Variants in PCARE observed in about 807,000 individuals in gnomAD.
PCARE encodes photoreceptor cilium actin regulator, also known as uncharacterized protein C2orf71.
Under a neutral mutation model 82.2 loss-of-function variants are expected in PCARE, and 72 were observed. That is an observed-to-expected ratio of 0.88 (90% CI 0.72 to 1.07). PCARE has a LOEUF of 1.07. Ranked by LOEUF, PCARE falls within the 50% of genes least tolerant of loss-of-function variation. PCARE has a pLI of 0.00. For missense variants in PCARE, 1,768 were observed against 1,592.4 expected, an observed-to-expected ratio of 1.11 and a Z score of -1.88; for synonymous variants, 705 against 634.8, an observed-to-expected ratio of 1.11 and a Z score of -1.66.
chr2:29,074,212 C>G lies in PCARE; in HGVS notation c.50G>C (p.Ser17Thr). 1.3e-6 allele frequency: 2 copies of G among 1,591,236 alleles called. No individual in the cohort carries two copies. Among genetic ancestry groups the G allele is most frequent in the African/African-American group, 1.3e-5 (1 of 74,318 alleles). ...HSDLVNSVAKSGIQFLKKPKA... is the reference protein window; with the variant it reads ...HSDLVNSVAKTGIQFLKKPKA... ...GGGCTTTTTCAAGAACTGAATGCCA[C>G]TCTTTGCAACGCTGTTTACAAGGTC... Residue 17 changes from serine to threonine, a missense_variant, in exon 1 of 2, where the codon AGT becomes ACT. Physicochemically the swap from Ser to Thr is moderately conservative, Grantham distance 58. Coordinates refer to ENST00000331664, the MANE Select transcript of PCARE (RefSeq NM_001029883.3).
At position 29,071,084 on chromosome 2, in the gene PCARE, G is replaced by T. The variant is rs72861054; in HGVS notation, c.3178C>A (p.Pro1060Thr). Residue 1060 changes from proline (P) to threonine (T), a missense_variant, in exon 1 of 2, where the codon CCC (proline) becomes ACC (threonine). By Grantham distance (38) the Pro-to-Thr change is conservative. Transcript: ENST00000331664. ...PPHQPKLPNP[P>T]PESAPAQCKV... ...CACTGAGCAGGTGCACTCTCGGGGG[G>T]AGGGTTGGGCAACTTGGGCTGGTGC... The T allele has an allele frequency of 7.3e-4, 1,080 of 1,473,934 alleles. 13 individuals carry two copies. In the African/African-American group the frequency reaches 0.013, roughly 18 times the overall value. 91.3% of individuals were successfully genotyped at this position (1,473,934 alleles called of 1,614,324 possible).
chr2:29,072,453 G>T lies in PCARE; in HGVS notation c.1809C>A (p.His603Gln). The change falls in exon 1 of 2, where the codon CAC (histidine) becomes CAA (glutamine). Residue 603 changes from histidine (H) to glutamine (Q), a missense_variant. Coordinates refer to ENST00000331664, the MANE Select transcript of PCARE (RefSeq NM_001029883.3). Reference protein sequence around the residue: ...RSQSESCLQSHVEDPTFQELR... With the variant: ...RSQSESCLQSQVEDPTFQELR... ...GCTCCTGAAAGGTGGGGTCCTCCAC[G>T]TGACTCTGGAGACACGACTCTGACT... 2 of 1,614,176 alleles carry T rather than the reference G, an allele frequency of 1.2e-6. No homozygotes were observed. Among genetic ancestry groups the T allele is most frequent in the Non-Finnish European group, 1.7e-6 (2 of 1,180,026 alleles).
chr2:29,064,771 G>A lies in PCARE; in HGVS notation c.*98C>T, dbSNP rs1000666735. 1 of 1,514,754 alleles carries A rather than the reference G, an allele frequency of 6.6e-7. No individual in the cohort carries two copies. The highest frequency in any genetic ancestry group is 9.0e-7 in the Non-Finnish European group (1 of 1,111,340). The allele number at this position is 1,514,754 out of a possible 1,614,324, so 93.8% of individuals were successfully genotyped here. On this transcript the variant is annotated 3_prime_UTR_variant, in exon 2 of 2. Transcript: ENST00000331664. ...GCCTTTCCAGGACACCTCAGTAGGA[G>A]TTTGGTTTGCCCATCATCTCTGGGT...
chr2:29,072,185 C>T lies in PCARE; in HGVS notation c.2077G>A (p.Glu693Lys), dbSNP rs1424960010. The change falls in exon 1 of 2, where the codon GAG (glutamate) becomes AAG (lysine). Residue 693 changes from glutamate to lysine, a missense_variant. Glu to Lys is a moderately conservative substitution (Grantham distance 56). Transcript: ENST00000331664. ...TTCCCAGCTTTGCCTTGTTCGTCCT[C>T]AGGATGGGGATTGCATTTCTGCAAG... ...SILQKCNPHP[E>K]DEQGKAGKLP... 1 of 1,614,234 alleles carries T rather than the reference C, an allele frequency of 6.2e-7. No individual in the cohort carries two copies. Among genetic ancestry groups the T allele is most frequent in the South Asian group, 1.1e-5 (1 of 91,082 alleles).
chr2:29,072,005 C>T lies in PCARE; in HGVS notation c.2257G>A (p.Ala753Thr), dbSNP rs371979312. The change falls in exon 1 of 2, where the codon GCT becomes ACT. Residue 753 changes from alanine (A) to threonine (T), a missense_variant. Ala to Thr is a moderately conservative substitution (Grantham distance 58). Coordinates refer to ENST00000331664, the MANE Select transcript of PCARE (RefSeq NM_001029883.3). ...TTCCTGAGGCAGGGACTTGCCCCAG[C>T]GTCCTTAGAGTCCCCCAGCATCCTC... ...SLRMLGDSKD[A>T]GASPCLRNCI... 77 of 1,613,834 alleles carry T rather than the reference C, an allele frequency of 4.8e-5. No homozygotes were observed. The highest frequency in any genetic ancestry group is 8.8e-5 in the South Asian group (8 of 91,080).
intron 1 of PCARE, among the ~76,000 whole-genome samples, chr2:29,069,657 C>T (rs1464041826): frequency 2.0e-5 from 3 of 151,996 alleles, no homozygotes; most frequent in Non-Finnish European, 2.9e-5. Context: ...ACATCACAAA[C>T]CTGCACATGT....
rs143025322 is a variant in PCARE, at chr2:29,063,889, C to T, written c.*980G>A. The T allele has an allele frequency of 2.0e-5, 3 of 152,802 alleles. No individual in the cohort carries two copies. The highest frequency in any genetic ancestry group is 4.4e-5 in the Non-Finnish European group (3 of 68,044). The allele number at this position is 152,802 out of a possible 1,614,324, so 9.5% of individuals were successfully genotyped here. A position where few individuals can be genotyped will look rare whatever the true frequency, so the allele number is the denominator to read the frequency against. ...CAAGAAGCCTCCGAGGGGAGATCGG[C>T]GTGTGAGTACGTATGCCTCACCCAC... On this transcript the variant is annotated 3_prime_UTR_variant, in exon 2 of 2. Transcript: ENST00000331664.
At position 29,071,853 on chromosome 2, in the gene PCARE, A is replaced by T. The variant is rs753470385; in HGVS notation, c.2409T>A (p.Pro803=). ...CTGCTTTAGGCAGAGGGGGAAAGAT[A>T]GGTGCTAAGGGCTTCCAGCCTATGC... ...KMGIGWKPLA[P]IFPPLPKAEA... The change falls in exon 1 of 2, where the codon CCT becomes CCA. Residue 803 remains proline (P), a synonymous_variant. Transcript: ENST00000331664. 2 of 1,614,236 alleles carry T rather than the reference A, an allele frequency of 1.2e-6. No individual in the cohort carries two copies. The highest frequency in any genetic ancestry group is 1.1e-5 in the South Asian group (1 of 91,084).
At position 29,074,443 on chromosome 2, in the gene PCARE, T is replaced by C. The variant is rs10084173; in HGVS notation, c.-182A>G. On this transcript the variant is annotated 5_prime_UTR_variant, in exon 1 of 2. Transcript: ENST00000331664. ...TTTCTTTATTTTCTTGGTCCAAATG[T>C]GAAGAGGGAGTGGTACCTGTCGTCC... 0.056 allele frequency among the ~76,000 whole-genome samples: 8,440 copies of C among 151,666 alleles called. 732 individuals carry two copies. Among genetic ancestry groups the C allele is most frequent in the African/African-American group, 0.18 (7,536 of 41,512 alleles).
Position 29,071,580 on chromosome 2 carries a change from G to A in PCARE, c.2682C>T (p.Ser894=). Residue 894 remains serine (S), a synonymous_variant, in exon 1 of 2, where the codon AGC becomes AGT. Transcript: ENST00000331664. ...GCTTGGTCAGGCTGGCGGTGCTCTTGCTGGGCAGCAAGTCCAGGGGGCTCA... is the reference window on the plus strand; with the variant it reads ...GCTTGGTCAGGCTGGCGGTGCTCTTACTGGGCAGCAAGTCCAGGGGGCTCA... ...ASVSPLDLLP[S]KSTASLTKPH... 6.2e-7 allele frequency: 1 copy of A among 1,611,184 alleles called. No individual in the cohort carries two copies.
Position 29,072,327 on chromosome 2 carries a change from T to C in PCARE, c.1935A>G (p.Arg645=). 1 of 1,614,162 alleles carries C rather than the reference T, an allele frequency of 6.2e-7. No homozygotes were observed. Among genetic ancestry groups the C allele is most frequent in the Non-Finnish European group, 8.5e-7 (1 of 1,180,040 alleles). ...TGCCATTGGGCCACACGGCGGCTGC[T>C]CTGGGCTGCAGAATTTGCTCCTGGC... The part of the protein sequence containing the change: ...GQSQEQILQP[R]AAAVWPNGTC... Residue 645 remains arginine, a synonymous_variant, in exon 1 of 2, where the codon AGA becomes AGG. Transcript: ENST00000331664.
At position 29,074,106 on chromosome 2, in the gene PCARE, G is replaced by C; in HGVS notation, c.156C>G (p.Asp52Glu). The change falls in exon 1 of 2, where the codon GAC becomes GAG. Residue 52 changes from aspartate to glutamate, a missense_variant. Asp to Glu is a conservative substitution (Grantham distance 45, BLOSUM62 2). Transcript: ENST00000331664. Reference protein sequence around the residue: ...PLLVKNSTCYDAGEGLAEEQP... With the variant: ...PLLVKNSTCYEAGEGLAEEQP... ...GCTCCTCTGCCAGGCCCTCCCCAGCGTCATAGCAGGTGGAGTTTTTAACCA... is the reference window on the plus strand; with the variant it reads ...GCTCCTCTGCCAGGCCCTCCCCAGCCTCATAGCAGGTGGAGTTTTTAACCA... 6.2e-7 allele frequency: 1 copy of C among 1,614,144 alleles called. No individual in the cohort carries two copies. The highest frequency in any genetic ancestry group is 2.2e-5 in the East Asian group (1 of 44,876).
Position 29,072,141 on chromosome 2 carries a change from T to A in PCARE, c.2121A>T (p.Pro707=), listed in dbSNP as rs199992183. The A allele has an allele frequency of 7.8e-5, 126 of 1,614,250 alleles. 1 individual carries two copies. In the African/African-American group the frequency reaches 1.5e-3, roughly 19 times the overall value. Residue 707 remains proline (P), a synonymous_variant, in exon 1 of 2, where the codon CCA becomes CCT. Coordinates refer to ENST00000331664, the MANE Select transcript of PCARE (RefSeq NM_001029883.3). ...GKAGKLPNAI[P]SGEVSEAAKA... is the part of the protein sequence containing the mutation. ...TGGCAGCCTCACTGACCTCTCCTGA[T>A]GGGATGGCATTTGGAAGCTTCCCAG...
At position 29,072,681 on chromosome 2, in the gene PCARE, G is replaced by T. The variant is rs770711434; in HGVS notation, c.1581C>A (p.Ala527=). 6.2e-7 allele frequency: 1 copy of T among 1,613,888 alleles called. No individual in the cohort carries two copies. Among genetic ancestry groups the T allele is most frequent in the African/African-American group, 1.3e-5 (1 of 74,900 alleles). The change falls in exon 1 of 2, where the codon GCC becomes GCA. Residue 527 remains alanine (A), a synonymous_variant. Transcript: ENST00000331664. ...GGAGGCTCCTAAGCCTCCTGGTGCG[G>T]GCCTGAAATGGGCTTTCCCGGTCAG... The part of the protein sequence containing the change: ...SPADRESPFQ[A]RTRRLRSLQA...
rs553488958 is a variant in PCARE at position 29,074,452 on chromosome 2, A to G, written c.-191T>C. Among the ~76,000 whole-genome samples, 5 of 149,984 alleles carry G rather than the reference A, an allele frequency of 3.3e-5. No individual in the cohort carries two copies. In the East Asian group the frequency reaches 9.8e-4, roughly 29 times the overall value. ...TTTCTTGGTCCAAATGTGAAGAGGG[A>G]GTGGTACCTGTCGTCCTGTTGTTGT... On this transcript the variant is annotated 5_prime_UTR_variant, in exon 1 of 2. Coordinates refer to ENST00000331664, the MANE Select transcript of PCARE (RefSeq NM_001029883.3).
rs760317889 is a variant in PCARE at position 29,071,237 on chromosome 2, G to C, written c.3025C>G (p.Arg1009Gly). 1.2e-5 allele frequency: 20 copies of C among 1,611,848 alleles called. No individual in the cohort carries two copies. The East Asian group carries it at 3.8e-4, about 31-fold the overall frequency. The part of the protein sequence containing the change: ...THWVPQADKR[R>G]RSLPSSYRPA... ...CTGTAAGAGGAGGGAAGGCTCCGGC[G>C]CCTCTTGTCTGCTTGAGGCACCCAG... The change falls in exon 1 of 2, where the codon CGC (arginine) becomes GGC (glycine). Residue 1009 changes from arginine to glycine, a missense_variant. By Grantham distance (125) the Arg-to-Gly change is moderately radical. Coordinates refer to ENST00000331664, the MANE Select transcript of PCARE (RefSeq NM_001029883.3).
chr2:29,070,480 T>G (rs1303239313), intron 1 of PCARE, 114 bp downstream of exon 1: 2 of 1,444,156 alleles, frequency 1.4e-6, no homozygotes, highest in African/African-American at 1.4e-5. Context: ...AACTGCCTCT[T>G]CTCTTGGAGC....
At position 29,071,225 on chromosome 2, in the gene PCARE, G is replaced by C. The variant is rs201402232; in HGVS notation, c.3037C>G (p.Pro1013Ala). The C allele has an allele frequency of 2.1e-4, 344 of 1,610,038 alleles. No homozygotes were observed. The African/African-American group carries it at 4.2e-3, about 20-fold the overall frequency. Residue 1013 changes from proline (P) to alanine (A), a missense_variant, in exon 1 of 2, where the codon CCC becomes GCC. By Grantham distance (27) the Pro-to-Ala change is conservative (BLOSUM62 -1). Coordinates refer to ENST00000331664, the MANE Select transcript of PCARE (RefSeq NM_001029883.3). ...GGCTGGGCAGGTCTGTAAGAGGAGG[G>C]AAGGCTCCGGCGCCTCTTGTCTGCT... Reference protein sequence around the residue: ...PQADKRRRSLPSSYRPAQPSP... With the variant: ...PQADKRRRSLASSYRPAQPSP...
In PCARE at chr2:29,072,615, G is replaced by A. The variant is rs779448335; in HGVS notation, c.1647C>T (p.Ser549=). ...EMILKMKESI[S]ERIKFVPVPC... ...GCACAGGGACAAACTTGATCCTTTC[G>A]CTGATTGACTCCTTCATCTTCAGAA... The change falls in exon 1 of 2, where the codon AGC becomes AGT. Residue 549 remains serine, a synonymous_variant. Coordinates refer to ENST00000331664, the MANE Select transcript of PCARE (RefSeq NM_001029883.3). The A allele has an allele frequency of 8.1e-6, 13 of 1,613,972 alleles. No individual in the cohort carries two copies. Among genetic ancestry groups the A allele is most frequent in the South Asian group, 2.2e-5 (2 of 91,082 alleles).
Sources: allele counts gnomAD v4.1 joint callset (sites outside exome capture counted in the v4.1 genomes callset), GRCh38; gene constraint gnomAD v4.1.1; transcripts MANE v1.5; gene names NCBI Gene and HGNC (gene_info 2026-07-23, HGNC 2026-07-21).